Variants in TMEM132D observed in about 807,000 individuals in gnomAD.
TMEM132D encodes the protein transmembrane protein 132D.
TMEM132D carries 21 observed loss-of-function variants against 62.3 expected under a neutral mutation model. The ratio of observed to expected loss-of-function variants is 0.34; its 90% CI spans 0.24 to 0.49. The LOEUF is 0.49. Among genes scored for constraint, TMEM132D ranks in the 20% least tolerant of loss-of-function variants. The pLI, the probability that TMEM132D is intolerant of heterozygous loss-of-function variation, is 0.99. For missense variants in TMEM132D, 1,346 were observed against 1,402.8 expected (o/e 0.96, Z 0.65); for synonymous variants, 621 against 575.6 (o/e 1.08, Z -1.13).
chr12:129,794,690 A>C (rs998134378), intron 1 of TMEM132D, among the ~76,000 whole-genome samples: 5 of 152,078 alleles, frequency 3.3e-5, no homozygotes, highest in Non-Finnish European at 7.4e-5. Flanking sequence ...TGGGCATTTT[A>C]TTACATTATT....
chr12:129,874,436 T>G (rs1033984893), intron 1 of TMEM132D, among the ~76,000 whole-genome samples: 1 of 151,970 alleles, frequency 6.6e-6, no homozygotes, highest in Non-Finnish European at 1.5e-5. Flanking sequence ...AATACATAAA[T>G]AAATTATTTT....
intron 1 of TMEM132D, among the ~76,000 whole-genome samples, chr12:129,878,167 C>A (rs561955566): frequency 2.0e-5 from 3 of 152,220 alleles, no homozygotes; most frequent in Non-Finnish European, 4.4e-5. Context: ...TCAGGATTCA[C>A]CTCAGGTCCC....
chr12:129,131,457 G>A (rs1467873404), intron 5 of TMEM132D, among the ~76,000 whole-genome samples: 6 of 152,056 alleles, frequency 3.9e-5, no homozygotes, highest in Admixed American at 2.0e-4. Flanking sequence ...AATTACAAAA[G>A]TTAGCTGAGC....
intron 1 of TMEM132D, among the ~76,000 whole-genome samples, chr12:129,818,846 G>A (rs1257085758): frequency 4.0e-5 from 6 of 151,828 alleles, no homozygotes; most frequent in Non-Finnish European, 8.8e-5. Flanking sequence ...ATCAGCCTGG[G>A]CAACATAGCG....
At chr12:129,654,297 A>AGTGTGAGT (rs1880014148) in intron 2 of TMEM132D, among the ~76,000 whole-genome samples, 1 of 148,360 alleles carries the variant, frequency 6.7e-6, no homozygotes, top group African/African-American at 2.5e-5. Context: ...TGTGTGTGTG[A>AGTGTGAGT]GTGTGTGTGT....
At chr12:129,843,947 T>C (rs1325840924) in intron 1 of TMEM132D, among the ~76,000 whole-genome samples, 1 of 152,004 alleles carries the variant, frequency 6.6e-6, no homozygotes, top group Non-Finnish European at 1.5e-5. Flanking sequence ...AAAAAATTTT[T>C]TTAATTAGTT....
At chr12:129,493,399 T>A (rs1361010483) in intron 3 of TMEM132D, among the ~76,000 whole-genome samples, 2 of 152,168 alleles carry the variant, frequency 1.3e-5, no homozygotes, top group African/African-American at 4.8e-5. Flanking sequence ...TAAATACACA[T>A]TACTAAAATA....
At chr12:129,153,269 A>G (rs1233730451) in intron 5 of TMEM132D, among the ~76,000 whole-genome samples, 2 of 152,132 alleles carry the variant, frequency 1.3e-5, no homozygotes, top group Non-Finnish European at 1.5e-5. Flanking sequence ...CAGTAGCCGC[A>G]AGTCAGAGAG....
At chr12:129,698,767 G>A (rs1881294335) in intron 2 of TMEM132D, among the ~76,000 whole-genome samples, 1 of 138,884 alleles carries the variant, frequency 7.2e-6, no homozygotes, top group African/African-American at 2.7e-5. Flanking sequence ...AGGGGAGGGA[G>A]AAAGAGAGAG....
intron 2 of TMEM132D, among the ~76,000 whole-genome samples, chr12:129,597,950 A>T (rs752784185): frequency 6.6e-6 from 1 of 152,176 alleles, no homozygotes; most frequent in Non-Finnish European, 1.5e-5. Context: ...ACACCATTTG[A>T]ATGAGGTCAG....
chr12:129,366,239 A>C (rs1193586171), intron 3 of TMEM132D, among the ~76,000 whole-genome samples: 1 of 152,134 alleles, frequency 6.6e-6, no homozygotes, highest in Non-Finnish European at 1.5e-5. Context: ...CTCCTGTTGA[A>C]TTGTAATCTT....
intron 1 of TMEM132D, among the ~76,000 whole-genome samples, chr12:129,871,529 T>C (rs1481551205): frequency 1.3e-5 from 2 of 152,150 alleles, no homozygotes; most frequent in African/African-American, 4.8e-5. Context: ...CACTTGCATC[T>C]GAATGGTTTC....
At chr12:129,272,688 A>C in intron 4 of TMEM132D, among the ~76,000 whole-genome samples, 1 of 151,592 alleles carries the variant, frequency 6.6e-6, no homozygotes, top group Non-Finnish European at 1.5e-5. Flanking sequence ...ATTAGACCTT[A>C]ATTGGAGGCA....
chr12:129,173,520 C>A (rs994311757), intron 5 of TMEM132D, among the ~76,000 whole-genome samples: 1 of 152,210 alleles, frequency 6.6e-6, no homozygotes, highest in East Asian at 1.9e-4. Context: ...AGGGATTCTT[C>A]ATCTGATGAG....
intron 3 of TMEM132D, among the ~76,000 whole-genome samples, chr12:129,517,382 C>T (rs1382102219): frequency 6.6e-6 from 1 of 152,112 alleles, no homozygotes; most frequent in East Asian, 1.9e-4. Flanking sequence ...CATTAGTACT[C>T]AGATTACCAG....
chr12:129,596,407 C>T (rs991840120), intron 2 of TMEM132D, among the ~76,000 whole-genome samples: 4 of 151,718 alleles, frequency 2.6e-5, no homozygotes, highest in South Asian at 2.1e-4. Context: ...CATGTATACT[C>T]GTATATAATC....
At chr12:129,885,788 T>A (rs1465763599) in intron 1 of TMEM132D, among the ~76,000 whole-genome samples, 1 of 152,232 alleles carries the variant, frequency 6.6e-6, no homozygotes, top group African/African-American at 2.4e-5. Context: ...TTTAAATGTA[T>A]CCATTGGAAT....
intron 5 of TMEM132D, among the ~76,000 whole-genome samples, chr12:129,143,685 G>A (rs1565977370): frequency 6.6e-6 from 1 of 152,188 alleles, no homozygotes; most frequent in Admixed American, 6.5e-5. Context: ...AACTGAAGAG[G>A]AGTGGCCAGG....
rs985157787 is a variant in TMEM132D, at chr12:129,443,310, G to A, written c.1115+87749C>T. ...CTGAAGGTGAGCCGCCTCCCCGACC[G>A]TATCCCACACCTCAAGGTCTATGTC... is the stretch of plus-strand genomic sequence containing the variant. On this transcript the variant is annotated intron_variant, in intron 3 of 8. Coordinates refer to ENST00000422113, the MANE Select transcript of TMEM132D (RefSeq NM_133448.3). Among the ~76,000 whole-genome samples, 86 of 152,232 alleles carry A rather than the reference G, an allele frequency of 5.6e-4. 1 individual carries two copies. The highest frequency in any genetic ancestry group is 3.3e-4 in the Admixed American group (5 of 15,298).
Sources: allele counts gnomAD v4.1 joint callset (sites outside exome capture counted in the v4.1 genomes callset), GRCh38; gene constraint gnomAD v4.1.1; transcripts MANE v1.5; gene names NCBI Gene and HGNC (gene_info 2026-07-23, HGNC 2026-07-21).